The following ERAP2 variants were observed in gnomAD, a reference collection of about 807,000 sequenced individuals.
The protein encoded by ERAP2 is endoplasmic reticulum aminopeptidase 2.
ERAP2 carries 118 observed loss-of-function variants against 111.1 expected under a neutral mutation model. The ratio of observed to expected loss-of-function variants is 1.06; its 90% CI spans 0.92 to 1.24. The LOEUF (loss-of-function observed/expected upper bound fraction) is 1.24, where lower values mean the gene tolerates loss of function less well. ERAP2 is among the 50% of genes most tolerant of loss of function. The pLI is 0.00. For synonymous variants in ERAP2, 410 were observed against 401.2 expected (o/e 1.02, Z -0.26); for missense variants, 1,131 against 1,125.8 (o/e 1.00, Z -0.07).
intron 15 of ERAP2, among the ~76,000 whole-genome samples, chr5:96,911,882 G>GAAA (rs1176253119): frequency 9.1e-6 from 1 of 109,654 alleles, no homozygotes; most frequent in Non-Finnish European, 1.8e-5. Context: ...AAAAAAAAAA[G>GAAA]AAAGAAAGAA....
intron 5 of ERAP2, among the ~76,000 whole-genome samples, chr5:96,891,559 CACACAT>C (rs1486820739): frequency 4.0e-4 from 57 of 141,586 alleles, no homozygotes; most frequent in Non-Finnish European, 7.6e-4. Context: ...CACACACACA[CACACAT>C]ATATGGTACA....
rs551214496 is a variant in ERAP2, at chr5:96,897,781, C to T, written c.1503+918C>T. ...AACCATTAGACCCAGAGAACTCATA[C>T]CTGTAATTAGAAGAACCCTAAGTCA... On this transcript the variant is annotated intron_variant, in intron 9 of 18. Coordinates refer to ENST00000437043, the MANE Select transcript of ERAP2 (RefSeq NM_022350.5). Among the ~76,000 whole-genome samples the T allele has an allele frequency of 5.3e-5, 8 of 152,262 alleles. No individual in the cohort carries two copies. In the South Asian group the frequency reaches 1.5e-3, roughly 28 times the overall value.
Position 96,912,745 on chromosome 5 carries a change from AAAC to A in ERAP2, c.2466_2468del (p.Asn822del). On this transcript the variant is annotated inframe_deletion, in exon 16 of 19. Transcript: ENST00000437043. The stretch of plus-strand genomic sequence containing the variant: ...AACTGTCAATGTCAAGTGCTGAACA[AAAC>A]AAAATTCTGTATGCTTTGTCAACGA... 6.2e-7 allele frequency: 1 copy of A among 1,601,562 alleles called. No individual in the cohort carries two copies. Among genetic ancestry groups the A allele is most frequent in the East Asian group, 2.3e-5 (1 of 44,326 alleles).
At chr5:96,914,148 T>TCTCTCACACACACACACA (rs34158080) in intron 17 of ERAP2, among the ~76,000 whole-genome samples, 2 of 147,982 alleles carry the variant, frequency 1.4e-5, no homozygotes, top group Non-Finnish European at 3.0e-5. Context: ...TCTCTCTCTC[T>TCTCTCACACACACACACA]CACACACACA....
In ERAP2 at chr5:96,883,691, C is replaced by A. The variant is rs143376943; in HGVS notation, c.576-101C>A. The A allele has an allele frequency of 3.6e-4, 429 of 1,196,148 alleles. 4 individuals carry two copies. In the East Asian group the frequency reaches 0.011, roughly 31 times the overall value. 74.1% of individuals were successfully genotyped at this position (1,196,148 alleles called of 1,614,324 possible). On this transcript the variant is annotated intron_variant, in intron 2 of 18. Transcript: ENST00000437043. ...AAGATTGCAGTTTGAGAAATCAAGT[C>A]TATTACCCCCAGGTTTGATAAGCTG...
intron 2 of ERAP2, chr5:96,881,393 G>A (rs1173226621): frequency 8.8e-6 from 4 of 455,784 alleles, no homozygotes; most frequent in Non-Finnish European, 1.8e-5. Flanking sequence ...CTGACATATT[G>A]GTCATGTGAG....
intron 18 of ERAP2, 179 bp downstream of exon 18, chr5:96,915,948 C>T (rs1787328461): frequency 2.1e-6 from 1 of 470,832 alleles, no homozygotes; most frequent in Non-Finnish European, 3.7e-6. Flanking sequence ...CTTGGCCAGG[C>T]ACAGTGGCTC....
Position 96,880,270 on chromosome 5 carries a change from T to C in ERAP2, c.575+10T>C, listed in dbSNP as rs770883922. ...TTGGTGGTGAAACAAGGTAAGAACT[T>C]GCTCAGGTAATTTACATTCTTTTGT... is the stretch of plus-strand genomic sequence containing the variant. On this transcript the variant is annotated intron_variant, in intron 2 of 18. Coordinates refer to ENST00000437043, the MANE Select transcript of ERAP2 (RefSeq NM_022350.5). 4.4e-6 allele frequency: 7 copies of C among 1,596,998 alleles called. No homozygotes were observed. Among genetic ancestry groups the C allele is most frequent in the Non-Finnish European group, 6.0e-6 (7 of 1,170,912 alleles).
At chr5:96,913,795 G>C (rs1787071197) in intron 17 of ERAP2, among the ~76,000 whole-genome samples, 1 of 152,186 alleles carries the variant, frequency 6.6e-6, no homozygotes, top group Admixed American at 6.5e-5. Flanking sequence ...AAGATGCCTT[G>C]TATAGTGCAT....
Position 96,917,711 on chromosome 5 carries a change from C to T in ERAP2, c.*106C>T. ...CACGAGGTCAGGAGATGGAGACCAT[C>T]CTGGCTAACACGGTGAGACCCCGTC... On this transcript the variant is annotated 3_prime_UTR_variant, in exon 19 of 19. Transcript: ENST00000437043. 1.2e-6 allele frequency: 1 copy of T among 866,400 alleles called. No homozygotes were observed. Among genetic ancestry groups the T allele is most frequent in the South Asian group, 1.8e-5 (1 of 55,924 alleles). 53.7% of individuals were successfully genotyped at this position (866,400 alleles called of 1,614,324 possible). A position where few individuals can be genotyped will look rare whatever the true frequency, so the allele number is the denominator to read the frequency against.
rs918055545 is a variant in ERAP2, at chr5:96,880,083, C to G, written c.398C>G (p.Pro133Arg). The change falls in exon 2 of 19, where the codon CCA becomes CGA. Residue 133 changes from proline to arginine, a missense_variant. Physicochemically the swap from Pro to Arg is moderately radical, Grantham distance 103. This residue lies in a region of ERAP2 where 847 missense variants were observed against 856.5 expected (regional missense o/e 0.99). Transcript: ENST00000437043. ...QSEEDSRYMK[P>R]GKELKVLSYP... Reference sequence around the variant, plus strand: ...GAGGAAGATTCAAGATACATGAAACCAGGAAAAGAACTGAAAGTTTTGAGT... The same window carrying G: ...GAGGAAGATTCAAGATACATGAAACGAGGAAAAGAACTGAAAGTTTTGAGT... The G allele has an allele frequency of 6.2e-6, 10 of 1,614,090 alleles. No individual in the cohort carries two copies. The highest frequency in any genetic ancestry group is 2.2e-5 in the East Asian group (1 of 44,876).
intron 2 of ERAP2, among the ~76,000 whole-genome samples, chr5:96,881,982 T>C (rs960067773): frequency 2.2e-5 from 2 of 90,782 alleles, no homozygotes; most frequent in African/African-American, 8.9e-5. Context: ...GGGAAATGGG[T>C]ATCAGGAAGT....
At chr5:96,888,750 C>A (rs1467192163) in intron 4 of ERAP2, among the ~76,000 whole-genome samples, 1 of 152,154 alleles carries the variant, frequency 6.6e-6, no homozygotes, top group Admixed American at 6.5e-5. Context: ...TGACAGAGGG[C>A]GGATCCAATA....
rs926551584 is a variant in ERAP2 at position 96,902,327 on chromosome 5, A to G, written c.1802A>G (p.His601Arg). 1.9e-6 allele frequency: 3 copies of G among 1,611,200 alleles called. No individual in the cohort carries two copies. The highest frequency in any genetic ancestry group is 2.7e-5 in the African/African-American group (2 of 74,850). ...TCCACGAGTTCTTCTAATGTGATCCACAGACACATTCTAAAATCAAAGACA... is the reference window on the plus strand; with the variant it reads ...TCCACGAGTTCTTCTAATGTGATCCGCAGACACATTCTAAAATCAAAGACA... ...TYSTSSSNVIHRHILKSKTDT... is the reference protein window; with the variant it reads ...TYSTSSSNVIRRHILKSKTDT... Residue 601 changes from histidine to arginine, a missense_variant, in exon 12 of 19, where the codon CAC becomes CGC. Physicochemically the swap from His to Arg is conservative, Grantham distance 29. Transcript: ENST00000437043.
chr5:96,886,465 A>G (rs1413937715), intron 3 of ERAP2, among the ~76,000 whole-genome samples, 190 bp from the exon 4 acceptor site: 1 of 152,144 alleles, frequency 6.6e-6, no homozygotes, highest in East Asian at 1.9e-4. Context: ...TTTTCAACAG[A>G]GTGTTGGGGT....
At chr5:96,897,139 A>G (rs1784963209) in intron 9 of ERAP2, among the ~76,000 whole-genome samples, 1 of 152,168 alleles carries the variant, frequency 6.6e-6, no homozygotes, top group Non-Finnish European at 1.5e-5. Context: ...TTGATCTAAA[A>G]TCTTTAAAAT....
chr5:96,886,799 A>G lies in ERAP2; in HGVS notation c.849+10A>G. On this transcript the variant is annotated intron_variant, in intron 4 of 18. Transcript: ENST00000437043. ...TTCATCAGGGGTCAAGGTGAGACTG[A>G]GTTCTAACGTTCTACGCAGTGCAGA... 1 of 1,478,776 alleles carries G rather than the reference A, an allele frequency of 6.8e-7. No homozygotes were observed. Among genetic ancestry groups the G allele is most frequent in the Non-Finnish European group, 9.1e-7 (1 of 1,093,422 alleles). The allele number at this position is 1,478,776 out of a possible 1,614,324, so 91.6% of individuals were successfully genotyped here. A position where few individuals can be genotyped will look rare whatever the true frequency, so the allele number is the denominator to read the frequency against.
At chr5:96,907,573 A>ATT (rs11440213) in intron 13 of ERAP2, among the ~76,000 whole-genome samples, 75,779 of 148,220 alleles carry the variant, frequency 0.51, 19,288 homozygotes, top group South Asian at 0.56. Context: ...CATTTTGTGG[A>ATT]TTTTTTTTTT....
chr5:96,903,310 C>G, intron 12 of ERAP2, 67 bp from the exon 13 acceptor site: 1 of 1,204,500 alleles, frequency 8.3e-7, no homozygotes, highest in Non-Finnish European at 1.1e-6. Context: ...TTAAAAATAA[C>G]AGTTCTGGAG....
Sources: gnomAD v4.1 joint callset for allele counts (sites outside exome capture counted in the v4.1 genomes callset) on GRCh38, gnomAD v4.1.1 for gene constraint, gnomAD v4.1.1 regional missense constraint, MANE v1.5 for transcripts, NCBI Gene and HGNC (gene_info 2026-07-23, HGNC 2026-07-21) for gene names.